Variants in GALNTL6 observed in about 807,000 individuals in gnomAD.
The protein encoded by GALNTL6 is polypeptide N-acetylgalactosaminyltransferase-like 6.
A neutral mutation model predicts 73.7 loss-of-function variants in GALNTL6; 46 were observed. That is an observed-to-expected ratio of 0.62 (90% CI 0.49 to 0.80). The LOEUF (loss-of-function observed/expected upper bound fraction) is 0.80, where lower values mean the gene tolerates loss of function less well. Among genes scored for constraint, GALNTL6 ranks in the 30% least tolerant of loss-of-function variants. GALNTL6 has a pLI of 0.00. For synonymous variants in GALNTL6, 259 were observed against 263.7 expected (o/e 0.98, Z 0.17); for missense variants, 604 against 755.0 (o/e 0.80, Z 2.34).
intron 9 of GALNTL6, among the ~76,000 whole-genome samples, chr4:172,947,884 A>G (rs1025259348): frequency 2.6e-5 from 4 of 152,234 alleles, no homozygotes; most frequent in South Asian, 2.1e-4. Context: ...GGAGTGGGTC[A>G]ATTTATTGTA....
intron 10 of GALNTL6, among the ~76,000 whole-genome samples, chr4:173,005,101 G>T (rs1169005778): frequency 1.0e-4 from 1 of 9,684 alleles, no homozygotes; most frequent in Non-Finnish European, 7.0e-4. Context: ...TTGGGAGCTG[G>T]GGGGCCGGTA....
At chr4:172,144,686 CT>C (rs1003643153) in intron 2 of GALNTL6, among the ~76,000 whole-genome samples, 48 of 152,272 alleles carry the variant, frequency 3.2e-4, no homozygotes, top group African/African-American at 1.1e-3. Flanking sequence ...GTATGGTAGT[CT>C]TTCCTCTGTA....
At chr4:172,531,120 C>A (rs1014355479) in intron 5 of GALNTL6, among the ~76,000 whole-genome samples, 3 of 152,028 alleles carry the variant, frequency 2.0e-5, no homozygotes, top group Admixed American at 2.0e-4. Context: ...GGCAGAAGAC[C>A]TTGATAGGTT....
intron 2 of GALNTL6, among the ~76,000 whole-genome samples, chr4:172,140,881 G>A (rs1342531035): frequency 2.6e-5 from 4 of 151,836 alleles, no homozygotes; most frequent in Non-Finnish European, 4.4e-5. Flanking sequence ...AGGAGGAAAG[G>A]GCTAATAGTA....
intron 2 of GALNTL6, among the ~76,000 whole-genome samples, chr4:172,175,407 G>A (rs1018488749): frequency 2.0e-5 from 3 of 152,144 alleles, no homozygotes; most frequent in Non-Finnish European, 2.9e-5. Context: ...CAAACTAGAT[G>A]TTTGAATAGA....
At chr4:172,091,116 T>C (rs988972683) in intron 2 of GALNTL6, among the ~76,000 whole-genome samples, 2 of 152,152 alleles carry the variant, frequency 1.3e-5, no homozygotes, top group South Asian at 4.1e-4. Flanking sequence ...TTTCTTTTTT[T>C]TCTGAAACAA....
intron 5 of GALNTL6, among the ~76,000 whole-genome samples, chr4:172,444,112 G>A (rs1025792650): frequency 1.2e-4 from 19 of 152,260 alleles, no homozygotes; most frequent in African/African-American, 4.6e-4. Context: ...AAAGAGATTA[G>A]TCTGGAGTAT....
At chr4:172,334,695 T>G (rs555780760) in intron 4 of GALNTL6, among the ~76,000 whole-genome samples, 4 of 152,288 alleles carry the variant, frequency 2.6e-5, no homozygotes, top group African/African-American at 9.6e-5. Flanking sequence ...ATTTTATCTT[T>G]TCATATTTGG....
chr4:171,949,842 C>T (rs117733579), intron 2 of GALNTL6, among the ~76,000 whole-genome samples: 3,124 of 151,848 alleles, frequency 0.021, 88 homozygotes, highest in East Asian at 0.064. Context: ...TGGTAGAATG[C>T]GTAAAAGAGA....
chr4:173,040,262 G>A lies in GALNTL6; in HGVS notation c.*162G>A. 1 of 540,116 alleles carries A rather than the reference G, an allele frequency of 1.9e-6. No homozygotes were observed. The highest frequency in any genetic ancestry group is 3.2e-6 in the Non-Finnish European group (1 of 311,372). 33.5% of individuals were successfully genotyped at this position (540,116 alleles called of 1,614,324 possible). A position where few individuals can be genotyped will look rare whatever the true frequency, so the allele number is the denominator to read the frequency against. On this transcript the variant is annotated 3_prime_UTR_variant, in exon 13 of 13. Transcript: ENST00000506823. The stretch of plus-strand genomic sequence containing the variant: ...AGTAGGTTGTTTTGAAGAACTTCCT[G>A]CATCTGAAGAACTTGGCTGAGAATC...
chr4:172,213,091 G>A (rs1485941750), intron 2 of GALNTL6, among the ~76,000 whole-genome samples: 1 of 122,752 alleles, frequency 8.1e-6, no homozygotes, highest in African/African-American at 2.6e-5. Context: ...ATGCATTTAA[G>A]TTTCATCCTT....
At chr4:172,503,538 A>ATATATATATATATATATG (rs1734339276) in intron 5 of GALNTL6, among the ~76,000 whole-genome samples, 2 of 95,322 alleles carry the variant, frequency 2.1e-5, no homozygotes, top group Non-Finnish European at 5.1e-5. Context: ...ATATATATAT[A>ATATATATATATATATATG]TATATATATA....
At chr4:172,630,235 A>G (rs1739336274) in intron 5 of GALNTL6, among the ~76,000 whole-genome samples, 1 of 152,226 alleles carries the variant, frequency 6.6e-6, no homozygotes, top group Non-Finnish European at 1.5e-5. Context: ...AAAAGACTCA[A>G]TAAACCAAAG....
intron 2 of GALNTL6, among the ~76,000 whole-genome samples, chr4:171,876,827 G>A (rs1736294479): frequency 6.6e-6 from 1 of 152,148 alleles, no homozygotes; most frequent in Admixed American, 6.5e-5. Context: ...CTCAGCCTTC[G>A]GAGGCAACCA....
At chr4:171,946,053 A>C (rs1451437709) in intron 2 of GALNTL6, among the ~76,000 whole-genome samples, 2 of 152,180 alleles carry the variant, frequency 1.3e-5, no homozygotes, top group African/African-American at 2.4e-5. Flanking sequence ...TAGTAGAAAG[A>C]GGTTATGGTA....
chr4:171,929,105 C>T (rs1343346040), intron 2 of GALNTL6, among the ~76,000 whole-genome samples: 1 of 152,132 alleles, frequency 6.6e-6, no homozygotes, highest in Non-Finnish European at 1.5e-5. Flanking sequence ...TCTGCTCTGT[C>T]ACCCAGGCTG....
At chr4:172,968,716 G>C (rs1165455483) in intron 10 of GALNTL6, among the ~76,000 whole-genome samples, 1 of 152,154 alleles carries the variant, frequency 6.6e-6, no homozygotes, top group Non-Finnish European at 1.5e-5. Context: ...CACAGAGTTA[G>C]AGCAGGAAGT....
At chr4:172,068,517 G>A (rs1300087116) in intron 2 of GALNTL6, among the ~76,000 whole-genome samples, 1 of 110,126 alleles carries the variant, frequency 9.1e-6, no homozygotes, top group Admixed American at 9.5e-5. Context: ...CTCTAAATTA[G>A]AATGTTCTTT....
In GALNTL6 at chr4:172,069,527, A is replaced by G. The variant is rs1218742031; in HGVS notation, c.139-160129A>G. On this transcript the variant is annotated intron_variant, in intron 2 of 12. Coordinates refer to ENST00000506823, the MANE Select transcript of GALNTL6 (RefSeq NM_001034845.3). Reference sequence around the variant, plus strand: ...ATAACACATATATGTTATATGTATAACACATATATTATATATAACACATAT... The same window carrying G: ...ATAACACATATATGTTATATGTATAGCACATATATTATATATAACACATAT... Among the ~76,000 whole-genome samples, 4 of 18,436 alleles carry G rather than the reference A, an allele frequency of 2.2e-4. 1 individual carries two copies. Among genetic ancestry groups the G allele is most frequent in the East Asian group, 7.5e-4 (1 of 1,342 alleles). 12.1% of individuals were successfully genotyped at this position (18,436 alleles called of 152,430 possible). A position where few individuals can be genotyped will look rare whatever the true frequency, so the allele number is the denominator to read the frequency against.
Sources: allele counts gnomAD v4.1 joint callset (sites outside exome capture counted in the v4.1 genomes callset), GRCh38; gene constraint gnomAD v4.1.1; transcripts MANE v1.5; gene names NCBI Gene and HGNC (gene_info 2026-07-23, HGNC 2026-07-21).